The following SLC22A23 variants were observed in gnomAD, a reference collection of about 807,000 sequenced individuals.
SLC22A23 encodes ion transporter protein.
In SLC22A23, 26 loss-of-function variants were observed where a neutral mutation model predicts 61.0. The ratio of observed to expected loss-of-function variants is 0.43; its 90% CI spans 0.31 to 0.59. The LOEUF (loss-of-function observed/expected upper bound fraction) is 0.59. Ranked by LOEUF, SLC22A23 falls within the 20% of genes least tolerant of loss-of-function variation. SLC22A23 has a pLI of 0.11. For missense variants in SLC22A23, 796 were observed against 934.7 expected (o/e 0.85, Z 1.94); for synonymous variants, 430 against 413.9 (o/e 1.04, Z -0.47).
rs1156353716 is a variant in SLC22A23 at position 3,362,404 on chromosome 6, C to CAAAAA, written c.914-38407_914-38403dup. 3.5e-3 allele frequency among the ~76,000 whole-genome samples: 187 copies of CAAAAA among 53,124 alleles called. 18 individuals carry two copies. The highest frequency in any genetic ancestry group is 5.5e-3 in the Non-Finnish European group (130 of 23,540). The allele number at this position is 53,124 out of a possible 152,430, so 34.9% of individuals were successfully genotyped here. A position where few individuals can be genotyped will look rare whatever the true frequency, so the allele number is the denominator to read the frequency against. On this transcript the variant is annotated intron_variant, in intron 3 of 9. Coordinates refer to ENST00000406686, the MANE Select transcript of SLC22A23 (RefSeq NM_015482.2). ...GGCGACAGAGCGAGATTCCGTCTCA[C>CAAAAA]AAAAAAAAAAAATAAAATAAAAAAT... is the stretch of plus-strand genomic sequence containing the variant.
chr6:3,451,275 C>A (rs1309766492), intron 1 of SLC22A23, among the ~76,000 whole-genome samples: 2 of 152,284 alleles, frequency 1.3e-5, no homozygotes, highest in East Asian at 3.8e-4. Context: ...TCGCTCACTG[C>A]AACCTCTCAC....
chr6:3,444,717 G>C (rs1771794517), intron 1 of SLC22A23: 1 of 855,658 alleles, frequency 1.2e-6, no homozygotes, highest in Non-Finnish European at 1.4e-6. Flanking sequence ...GACCTGTTTT[G>C]TTTTCAGGTT....
chr6:3,344,287 CCAAA>C (rs1764302754), intron 3 of SLC22A23, among the ~76,000 whole-genome samples: 1 of 152,070 alleles, frequency 6.6e-6, no homozygotes, highest in African/African-American at 2.4e-5. Flanking sequence ...GAGGGGAAAA[CCAAA>C]CAAATTTTTT....
At position 3,298,226 on chromosome 6, in the gene SLC22A23, GAC is replaced by G. The variant is rs1761284166; in HGVS notation, c.1083-10_1083-9del. 7.5e-6 allele frequency: 12 copies of G among 1,592,200 alleles called. No homozygotes were observed. Among genetic ancestry groups the G allele is most frequent in the Non-Finnish European group, 1.0e-5 (12 of 1,171,546 alleles). On this transcript the variant is annotated splice_polypyrimidine_tract_variant and intron_variant, in intron 4 of 9. Coordinates refer to ENST00000406686, the MANE Select transcript of SLC22A23 (RefSeq NM_015482.2). ...AGGGACTCGGGGAATATCCTTTAAA[GAC>G]ACAAAGGGGATCAGTGAATGTCTTC...
intron 2 of SLC22A23, among the ~76,000 whole-genome samples, chr6:3,412,987 T>A: frequency 6.6e-6 from 1 of 152,162 alleles, no homozygotes; most frequent in East Asian, 1.9e-4. Context: ...GTTGGACTTG[T>A]GAACTGCAGA....
At position 3,438,671 on chromosome 6, in the gene SLC22A23, C is replaced by T. The variant is rs146543161; in HGVS notation, c.654+17235G>A. 1.8e-3 allele frequency: 702 copies of T among 384,544 alleles called. 5 individuals are homozygous for T. Among genetic ancestry groups the T allele is most frequent in the African/African-American group, 0.014 (658 of 47,810 alleles). 23.8% of individuals were successfully genotyped at this position (384,544 alleles called of 1,614,324 possible). Reference sequence around the variant, plus strand: ...AACGTTTCCTTTTCTAGTAATTAACCGTTATTCTAAGTAGAGGTTCAAAGG... The same window carrying T: ...AACGTTTCCTTTTCTAGTAATTAACTGTTATTCTAAGTAGAGGTTCAAAGG... On this transcript the variant is annotated intron_variant, in intron 1 of 9. Transcript: ENST00000406686.
At chr6:3,291,627 A>G (rs1760603286) in intron 5 of SLC22A23, 1 of 152,268 alleles carries the variant, frequency 6.6e-6, no homozygotes, top group African/African-American at 2.4e-5. Context: ...CTCAGCAAAA[A>G]TGGGCTACTT....
chr6:3,356,814 C>T (rs1167850854), intron 3 of SLC22A23, among the ~76,000 whole-genome samples: 3 of 152,076 alleles, frequency 2.0e-5, no homozygotes, highest in African/African-American at 7.2e-5. Flanking sequence ...ACCTCATATG[C>T]CCTCACCAAA....
chr6:3,386,816 C>T lies in SLC22A23; in HGVS notation c.913+23372G>A, dbSNP rs1027101383. 2.0e-5 allele frequency among the ~76,000 whole-genome samples: 3 copies of T among 152,212 alleles called. No homozygotes were observed. Among genetic ancestry groups the T allele is most frequent in the Non-Finnish European group, 4.4e-5 (3 of 68,034 alleles). On this transcript the variant is annotated intron_variant, in intron 3 of 9. Coordinates refer to ENST00000406686, the MANE Select transcript of SLC22A23 (RefSeq NM_015482.2). This position sits in a 1 kb window ranked among gnomAD's most constrained non-coding sequence, Gnocchi z 4.4. ...GTCTGCATACTCTGATGCTGACACA[C>T]GGACCTGGCAGCAACATGGGGAACA...
chr6:3,449,588 C>T (rs115008307), intron 1 of SLC22A23, among the ~76,000 whole-genome samples: 1 of 152,160 alleles, frequency 6.6e-6, no homozygotes, highest in African/African-American at 2.4e-5. Flanking sequence ...TCCTTCATAA[C>T]AAGAGAAATG....
intron 3 of SLC22A23, among the ~76,000 whole-genome samples, chr6:3,406,855 A>T (rs1171646843): frequency 1.3e-5 from 2 of 151,778 alleles, no homozygotes; most frequent in African/African-American, 4.8e-5. Flanking sequence ...CTTTAGAAAA[A>T]CTCCAAAGCA....
Position 3,454,049 on chromosome 6 carries a change from C to CT in SLC22A23, c.654+1856dup, listed in dbSNP as rs1391739538. Reference sequence around the variant, plus strand: ...TGGGAAGGCAGTCCTTTATTTAGATCTTTTTTGTCTGTGAAAATCAATATG... The same window carrying CT: ...TGGGAAGGCAGTCCTTTATTTAGATCTTTTTTTGTCTGTGAAAATCAATATG... On this transcript the variant is annotated intron_variant, in intron 1 of 9. Transcript: ENST00000406686. The surrounding 1 kb of genome is among the most constrained non-coding windows in gnomAD (Gnocchi z 4.3). Among the ~76,000 whole-genome samples the CT allele has an allele frequency of 6.6e-6, 1 of 152,132 alleles. No homozygotes were observed. The highest frequency in any genetic ancestry group is 2.4e-5 in the African/African-American group (1 of 41,424).
chr6:3,407,676 A>G (rs2127509342), intron 3 of SLC22A23, among the ~76,000 whole-genome samples: 1 of 152,374 alleles, frequency 6.6e-6, no homozygotes, highest in South Asian at 2.1e-4. Flanking sequence ...ACAGTGGGTC[A>G]ATCACTTGTT....
chr6:3,326,224 T>C (rs1040878457), intron 3 of SLC22A23, among the ~76,000 whole-genome samples: 1 of 152,254 alleles, frequency 6.6e-6, no homozygotes, highest in South Asian at 2.1e-4. Context: ...TGACTGTCAA[T>C]ATGACAATTA....
intron 3 of SLC22A23, among the ~76,000 whole-genome samples, chr6:3,362,266 T>C (rs2127450229): frequency 6.6e-6 from 1 of 151,216 alleles, no homozygotes; most frequent in Middle Eastern, 3.4e-3. Context: ...TAGCTGGGCG[T>C]GGTAGCATGC....
chr6:3,424,030 CTTG>C (rs1358051175), intron 1 of SLC22A23, among the ~76,000 whole-genome samples: 1 of 152,170 alleles, frequency 6.6e-6, no homozygotes, highest in Non-Finnish European at 1.5e-5. Flanking sequence ...AGGCTATGGC[CTTG>C]TTGTAACAGG....
At position 3,456,144 on chromosome 6, in the gene SLC22A23, C is replaced by T. The variant is rs1450470338; in HGVS notation, c.416G>A (p.Gly139Glu). The T allele has an allele frequency of 2.6e-6, 4 of 1,551,186 alleles. No homozygotes were observed. The highest frequency in any genetic ancestry group is 2.6e-6 in the Non-Finnish European group (3 of 1,146,838). Residue 139 changes from glycine to glutamate, a missense_variant, in exon 1 of 10, where the codon GGG becomes GAG. Transcript: ENST00000406686. This position sits in a 1 kb window ranked among gnomAD's most constrained non-coding sequence, Gnocchi z 7.1. ...RGAGKGTELA[G>E]VTTTGRGGDM... Reference sequence around the variant, plus strand: ...CCCGCCCCGGCCTGTGGTGGTGACCCCTGCCAGCTCGGTGCCTTTGCCGGC... The same window carrying T: ...CCCGCCCCGGCCTGTGGTGGTGACCTCTGCCAGCTCGGTGCCTTTGCCGGC...
intron 2 of SLC22A23, among the ~76,000 whole-genome samples, chr6:3,413,671 CAGCCTTAGGA>C (rs1163984154): frequency 3.9e-5 from 6 of 152,244 alleles, no homozygotes; most frequent in Non-Finnish European, 8.8e-5. Context: ...ATGCTGACTG[CAGCCTTAGGA>C]AGCATATTGT....
chr6:3,449,973 G>A (rs1158170785), intron 1 of SLC22A23, among the ~76,000 whole-genome samples: 1 of 152,208 alleles, frequency 6.6e-6, no homozygotes, highest in African/African-American at 2.4e-5. Flanking sequence ...AAAAAAGAAT[G>A]AGTATCTCTA....
Sources: gnomAD v4.1 joint callset for allele counts (sites outside exome capture counted in the v4.1 genomes callset) on GRCh38, gnomAD v4.1.1 for gene constraint, Gnocchi (gnomAD v3.1) non-coding constraint, MANE v1.5 for transcripts, NCBI Gene and HGNC (gene_info 2026-07-23, HGNC 2026-07-21) for gene names.